The following CCDC102B variants were observed in gnomAD, a reference collection of about 807,000 sequenced individuals.
The protein encoded by CCDC102B is coiled-coil domain containing 102B, also known as coiled-coil domain-containing protein 102B.
In CCDC102B, 75 loss-of-function variants were observed where a neutral mutation model predicts 57.4. That is an observed-to-expected ratio of 1.31 (90% CI 1.08 to 1.58). CCDC102B has a LOEUF of 1.58. Ranked by LOEUF, CCDC102B falls within the 40% of genes most tolerant of loss-of-function variation. The pLI is 0.00. For synonymous variants in CCDC102B, 206 were observed against 201.9 expected (o/e 1.02, Z -0.17); for missense variants, 636 against 582.6 (o/e 1.09, Z -0.94).
At chr18:68,942,727 CA>C (rs1277372530) in intron 6 of CCDC102B, among the ~76,000 whole-genome samples, 1 of 151,936 alleles carries the variant, frequency 6.6e-6, no homozygotes, top group Non-Finnish European at 1.5e-5. Flanking sequence ...TTCCATTGCC[CA>C]GTCGACAAGC....
chr18:68,913,440 A>T (rs2040950888), intron 6 of CCDC102B, among the ~76,000 whole-genome samples: 1 of 151,764 alleles, frequency 6.6e-6, no homozygotes, highest in Admixed American at 6.6e-5. Context: ...TGAGGTCAAG[A>T]GTTCCAGACC....
intron 6 of CCDC102B, among the ~76,000 whole-genome samples, chr18:68,980,859 TGGATTTTACTCTGAGATAAAGGGG>T (rs1218355137): frequency 2.0e-5 from 3 of 152,052 alleles, no homozygotes; most frequent in African/African-American, 4.8e-5. Context: ...GTATGGACAC[TGGATTTTACTCTGAGATAAAGGGG>T]GAGTATGGTG....
intron 2 of CCDC102B, among the ~76,000 whole-genome samples, chr18:68,787,269 G>A (rs1215643826): frequency 1.3e-5 from 2 of 151,312 alleles, no homozygotes; most frequent in Non-Finnish European, 2.9e-5. Context: ...TGTTCATCAA[G>A]GATATTGGTC....
At chr18:68,762,985 A>G (rs2034303842) in intron 2 of CCDC102B, among the ~76,000 whole-genome samples, 1 of 151,926 alleles carries the variant, frequency 6.6e-6, no homozygotes, top group Admixed American at 6.6e-5. Flanking sequence ...AAACCACACA[A>G]AGGCCTTAGG....
At chr18:68,964,876 T>G (rs2050130675) in intron 6 of CCDC102B, among the ~76,000 whole-genome samples, 1 of 151,978 alleles carries the variant, frequency 6.6e-6, no homozygotes, top group Admixed American at 6.6e-5. Context: ...TGACATTTTT[T>G]TCCCTCAGTT....
At chr18:68,746,140 T>A (rs2033610954) in intron 2 of CCDC102B, among the ~76,000 whole-genome samples, 1 of 152,218 alleles carries the variant, frequency 6.6e-6, no homozygotes, top group Non-Finnish European at 1.5e-5. Flanking sequence ...CTTGTCCTAA[T>A]CCTTAGAAAC....
At chr18:68,810,406 T>G (rs1217247150) in intron 1 of CCDC102B, among the ~76,000 whole-genome samples, 3 of 152,200 alleles carry the variant, frequency 2.0e-5, no homozygotes, top group Admixed American at 6.5e-5. Context: ...GATTTATATC[T>G]GATTAAAATG....
intron 2 of CCDC102B, among the ~76,000 whole-genome samples, chr18:68,769,409 A>G (rs1349767235): frequency 6.6e-6 from 1 of 152,106 alleles, no homozygotes; most frequent in South Asian, 2.1e-4. Context: ...CCCATCTCCA[A>G]ATAACATCAT....
intron 2 of CCDC102B, among the ~76,000 whole-genome samples, chr18:68,783,690 T>TG (rs1379422435): frequency 6.6e-6 from 1 of 152,194 alleles, no homozygotes; most frequent in Non-Finnish European, 1.5e-5. Flanking sequence ...CATATATTTT[T>TG]GGTGTTTAGA....
At chr18:68,849,906 T>C (rs143875729) in intron 4 of CCDC102B, among the ~76,000 whole-genome samples, 1 of 152,266 alleles carries the variant, frequency 6.6e-6, no homozygotes, top group African/African-American at 2.4e-5. Flanking sequence ...CTTCAGGTTC[T>C]CAGAGGTTCA....
At chr18:68,767,027 G>T (rs1432889773) in intron 2 of CCDC102B, among the ~76,000 whole-genome samples, 2 of 152,180 alleles carry the variant, frequency 1.3e-5, no homozygotes, top group Non-Finnish European at 2.9e-5. Context: ...GGTAAATGCA[G>T]ATTATAAAAC....
chr18:68,718,261 C>T (rs1282098107), intron 2 of CCDC102B: 3 of 152,114 alleles, frequency 2.0e-5, no homozygotes, highest in Non-Finnish European at 4.4e-5. Context: ...CTAAACAACT[C>T]GAATGTCTAA....
At chr18:68,970,660 C>T (rs1368632000) in intron 6 of CCDC102B, among the ~76,000 whole-genome samples, 2 of 151,676 alleles carry the variant, frequency 1.3e-5, no homozygotes, top group Admixed American at 6.6e-5. Flanking sequence ...ATATTTGTTT[C>T]TAACTTGGAA....
At chr18:68,870,553 C>T (rs1433207560) in intron 4 of CCDC102B, among the ~76,000 whole-genome samples, 1 of 152,106 alleles carries the variant, frequency 6.6e-6, no homozygotes, top group Non-Finnish European at 1.5e-5. Context: ...CCAAGTACAA[C>T]TGAAATGATT....
chr18:69,033,250 A>T (rs1289233696), intron 7 of CCDC102B, among the ~76,000 whole-genome samples: 3 of 152,158 alleles, frequency 2.0e-5, no homozygotes, highest in Admixed American at 6.6e-5. Context: ...TGCATGTCAT[A>T]CTTATTTTAA....
At chr18:68,834,432 CATATATATATATATATAT>C (rs67872866) in intron 1 of CCDC102B, among the ~76,000 whole-genome samples, 1 of 137,714 alleles carries the variant, frequency 7.3e-6, no homozygotes, top group Non-Finnish European at 1.6e-5. Flanking sequence ...TATGTAAATA[CATATATATATATATATAT>C]ATATTTGCTG....
chr18:68,846,210 C>G (rs980587688), intron 3 of CCDC102B, 103 bp from the exon 4 acceptor site: 4 of 584,970 alleles, frequency 6.8e-6, no homozygotes, highest in Non-Finnish European at 1.1e-5. Flanking sequence ...TGATCAGTTA[C>G]AAATATCAAA....
At chr18:68,874,027 G>A (rs2039335993) in intron 4 of CCDC102B, among the ~76,000 whole-genome samples, 2 of 151,800 alleles carry the variant, frequency 1.3e-5, no homozygotes, top group African/African-American at 4.8e-5. Context: ...TTCAAGAACA[G>A]CTGTGGGAAA....
At chr18:68,741,713 A>ACACACACC (rs1393809459) in intron 2 of CCDC102B, among the ~76,000 whole-genome samples, 9 of 97,650 alleles carry the variant, frequency 9.2e-5, no homozygotes, top group African/African-American at 3.9e-4. Flanking sequence ...ACACACACAC[A>ACACACACC]CCCCAAGACA....
Sources: gnomAD v4.1 joint callset for allele counts (sites outside exome capture counted in the v4.1 genomes callset) on GRCh38, gnomAD v4.1.1 for gene constraint, MANE v1.5 for transcripts, NCBI Gene and HGNC (gene_info 2026-07-23, HGNC 2026-07-21) for gene names.